The following NRXN3 variants were observed in gnomAD, a reference collection of about 807,000 sequenced individuals.
The protein encoded by NRXN3 is neurexin 3.
In NRXN3, 32 loss-of-function variants were observed where a neutral mutation model predicts 137.6. The ratio of observed to expected loss-of-function variants is 0.23; its 90% CI spans 0.18 to 0.31. The LOEUF is 0.31. Among genes scored for constraint, NRXN3 ranks in the 10% least tolerant of loss-of-function variants. The pLI, the probability that NRXN3 is intolerant of heterozygous loss-of-function variation, is 1.00. For synonymous variants in NRXN3, 798 were observed against 784.5 expected (o/e 1.02, Z -0.29); for missense variants, 1,574 against 2,062.5 (o/e 0.76, Z 4.59).
chr14:79,527,346 G>A (rs1445534827), intron 16 of NRXN3, among the ~76,000 whole-genome samples: 3 of 149,638 alleles, frequency 2.0e-5, no homozygotes, highest in African/African-American at 4.9e-5. Flanking sequence ...GAAGAGTAGT[G>A]TGGCGGGTTA....
chr14:79,377,164 A>T (rs187111655), intron 15 of NRXN3, among the ~76,000 whole-genome samples: 1 of 152,218 alleles, frequency 6.6e-6, no homozygotes, highest in African/African-American at 2.4e-5. Context: ...AGATAGGAAC[A>T]TATGTGAAAA....
intron 16 of NRXN3, among the ~76,000 whole-genome samples, chr14:79,527,205 A>G (rs1056552948): frequency 4.6e-5 from 7 of 150,968 alleles, no homozygotes; most frequent in Non-Finnish European, 8.8e-5. Flanking sequence ...GAGGCAGGAG[A>G]ATCATTTGAA....
intron 4 of NRXN3, among the ~76,000 whole-genome samples, chr14:78,544,058 T>G (rs770266150): frequency 2.0e-5 from 3 of 152,316 alleles, no homozygotes; most frequent in Admixed American, 6.5e-5. Context: ...GGGCATTAAC[T>G]GTCTTACATT....
intron 15 of NRXN3, among the ~76,000 whole-genome samples, chr14:79,367,013 T>G (rs1462909864): frequency 6.9e-6 from 1 of 145,128 alleles, no homozygotes; most frequent in African/African-American, 2.5e-5. Flanking sequence ...AGATGGAGTC[T>G]TGCTCTGTCA....
chr14:78,687,997 G>T (rs144946460), intron 6 of NRXN3, among the ~76,000 whole-genome samples: 229 of 152,208 alleles, frequency 1.5e-3, no homozygotes, highest in African/African-American at 5.4e-3. Flanking sequence ...GGAATGAGCT[G>T]GGGGGATGTG....
chr14:78,480,098 G>A (rs571639169), intron 4 of NRXN3, among the ~76,000 whole-genome samples: 5 of 152,234 alleles, frequency 3.3e-5, no homozygotes, highest in East Asian at 1.9e-4. Context: ...CAGAGATCAC[G>A]CCATGGCACT....
chr14:79,745,822 G>T (rs1166067140), intron 19 of NRXN3, among the ~76,000 whole-genome samples: 8 of 151,960 alleles, frequency 5.3e-5, no homozygotes. Context: ...GCAATCTTTG[G>T]CCTTTTTTGG....
chr14:79,784,486 A>G (rs889810614), intron 19 of NRXN3, among the ~76,000 whole-genome samples: 1 of 152,158 alleles, frequency 6.6e-6, no homozygotes, highest in Non-Finnish European at 1.5e-5. Context: ...CTTTAAAAAG[A>G]AAGTTTATCC....
intron 18 of NRXN3, among the ~76,000 whole-genome samples, chr14:79,692,882 A>G (rs373366737): frequency 3.9e-4 from 59 of 152,182 alleles, no homozygotes; most frequent in Non-Finnish European, 7.6e-4. Flanking sequence ...CTAGTTGCTG[A>G]CTGAAACTAA....
intron 10 of NRXN3, among the ~76,000 whole-genome samples, chr14:78,889,541 G>T (rs940971558): frequency 2.6e-5 from 4 of 151,912 alleles, no homozygotes; most frequent in Non-Finnish European, 5.9e-5. Context: ...TTTAGTACTT[G>T]CTGTTACAAT....
At chr14:79,546,966 A>C (rs1217421406) in intron 16 of NRXN3, among the ~76,000 whole-genome samples, 1 of 152,172 alleles carries the variant, frequency 6.6e-6, no homozygotes, top group African/African-American at 2.4e-5. Context: ...AACAACCAGG[A>C]AAAGCTCTGA....
Position 78,879,309 on chromosome 14 carries a change from A to T in NRXN3, c.2275+68965A>T, listed in dbSNP as rs537356486. 2.4e-4 allele frequency among the ~76,000 whole-genome samples: 36 copies of T among 152,268 alleles called. No homozygotes were observed. The South Asian group carries it at 6.0e-3, about 25-fold the overall frequency. Reference sequence around the variant, plus strand: ...TACTATTTTTCATAATGGCTACATGATATATCCCCAACAGCAGTATACCAG... The same window carrying T: ...TACTATTTTTCATAATGGCTACATGTTATATCCCCAACAGCAGTATACCAG... On this transcript the variant is annotated intron_variant, in intron 10 of 20. Transcript: ENST00000335750.
At chr14:78,940,452 A>G (rs2099350886) in intron 10 of NRXN3, among the ~76,000 whole-genome samples, 1 of 152,202 alleles carries the variant, frequency 6.6e-6, no homozygotes, top group Non-Finnish European at 1.5e-5. Flanking sequence ...ACATTGTATT[A>G]CATTTTTATA....
chr14:78,509,521 G>A (rs1409990109), intron 4 of NRXN3, among the ~76,000 whole-genome samples: 1 of 152,068 alleles, frequency 6.6e-6, no homozygotes, highest in Non-Finnish European at 1.5e-5. Flanking sequence ...GGAACTCTGC[G>A]ATTTGGCCCT....
At chr14:78,660,046 A>G (rs2097824385) in intron 6 of NRXN3, among the ~76,000 whole-genome samples, 1 of 152,102 alleles carries the variant, frequency 6.6e-6, no homozygotes. Context: ...TTATTTCAGT[A>G]GGAACCAGGT....
At chr14:79,564,714 A>G (rs915093501) in intron 16 of NRXN3, among the ~76,000 whole-genome samples, 11 of 152,142 alleles carry the variant, frequency 7.2e-5, no homozygotes, top group African/African-American at 2.7e-4. Context: ...CATATTCTGA[A>G]TGATCTTGTT....
At chr14:78,323,082 A>G (rs557919253) in intron 4 of NRXN3, among the ~76,000 whole-genome samples, 3 of 152,204 alleles carry the variant, frequency 2.0e-5, no homozygotes, top group Non-Finnish European at 2.9e-5. Flanking sequence ...CTGATTAACT[A>G]GTATTTCACA....
chr14:78,364,944 A>T (rs2085689286), intron 4 of NRXN3, among the ~76,000 whole-genome samples: 1 of 152,202 alleles, frequency 6.6e-6, no homozygotes, highest in Non-Finnish European at 1.5e-5. Context: ...CAAGAAGACC[A>T]TTTGAAATAT....
At position 79,598,777 on chromosome 14, in the gene NRXN3, G is replaced by A. The variant is rs72696764; in HGVS notation, c.3445-65001G>A. ...CTGGAAGAGACAGAACACATCTCTT[G>A]GTGCTTTTGAAGGTACAGTGACTCC... On this transcript the variant is annotated intron_variant, in intron 16 of 20. Coordinates refer to ENST00000335750, the MANE Select transcript of NRXN3 (RefSeq NM_001330195.2). Among the ~76,000 whole-genome samples the A allele has an allele frequency of 7.8e-3, 1,187 of 152,250 alleles. 9 individuals are homozygous for A. The highest frequency in any genetic ancestry group is 0.011 in the Non-Finnish European group (779 of 68,014).
Sources: gnomAD v4.1 joint callset for allele counts (sites outside exome capture counted in the v4.1 genomes callset) on GRCh38, gnomAD v4.1.1 for gene constraint, MANE v1.5 for transcripts, NCBI Gene and HGNC (gene_info 2026-07-23, HGNC 2026-07-21) for gene names.